EXOSC7: variants seen among roughly 807,000 people sequenced by gnomAD.
EXOSC7 encodes exosome component 7.
In EXOSC7, 25 loss-of-function variants were observed where a neutral mutation model predicts 34.3. The ratio of observed to expected loss-of-function variants is 0.73; its 90% CI spans 0.53 to 1.02. EXOSC7 has a LOEUF of 1.02. EXOSC7 is among the 50% of genes least tolerant of loss of function. The pLI, the probability that EXOSC7 is intolerant of heterozygous loss-of-function variation, is 0.00. For synonymous variants in EXOSC7, 130 were observed against 143.0 expected (o/e 0.91, Z 0.65); for missense variants, 370 against 368.5 (o/e 1.00, Z -0.03).
At chr3:44,997,350 G>A in intron 4 of EXOSC7, 98 bp downstream of exon 4, 1 of 1,139,498 alleles carries the variant, frequency 8.8e-7, no homozygotes, top group Non-Finnish European at 1.2e-6. Context: ...TCAGGTGGAT[G>A]CTTTCAACTT....
intron 1 of EXOSC7, among the ~76,000 whole-genome samples, chr3:44,987,796 C>A (rs777392047): frequency 6.6e-6 from 1 of 152,122 alleles, no homozygotes; most frequent in East Asian, 1.9e-4. Context: ...TGAACAAATA[C>A]AGAAATACAT....
intron 2 of EXOSC7, 131 bp from the exon 3 acceptor site, chr3:44,989,419 A>G: frequency 2.4e-6 from 2 of 842,230 alleles, no homozygotes; most frequent in South Asian, 1.7e-5. Flanking sequence ...ACCTCCTCCA[A>G]AGACCACTTT....
chr3:44,977,345 C>T (rs971784161), intron 1 of EXOSC7: 6 of 152,186 alleles, frequency 3.9e-5, no homozygotes, highest in African/African-American at 1.4e-4. Flanking sequence ...CTGTCAGTAC[C>T]AACTGCAAAG....
chr3:45,005,824 A>T (rs1025721446), intron 6 of EXOSC7, among the ~76,000 whole-genome samples: 4 of 152,048 alleles, frequency 2.6e-5, no homozygotes, highest in Non-Finnish European at 2.9e-5. Flanking sequence ...GGGTATCATG[A>T]GTGGTTTTCA....
intron 3 of EXOSC7, 31 bp from the exon 4 acceptor site, chr3:44,997,052 GACTC>G: frequency 6.2e-7 from 1 of 1,604,312 alleles, no homozygotes; most frequent in Non-Finnish European, 8.5e-7. Context: ...CACTTGGAAA[GACTC>G]ACCCAGTTTT....
At chr3:45,008,783 T>C (rs1707125654) in intron 7 of EXOSC7, among the ~76,000 whole-genome samples, 1 of 152,246 alleles carries the variant, frequency 6.6e-6, no homozygotes, top group Non-Finnish European at 1.5e-5. Context: ...GGCAAGGGAC[T>C]GTCAAACCTT....
At chr3:45,010,092 T>C (rs548451006) in intron 7 of EXOSC7, among the ~76,000 whole-genome samples, 3 of 152,340 alleles carry the variant, frequency 2.0e-5, no homozygotes, top group Admixed American at 6.5e-5. Flanking sequence ...TTGTTGAGAA[T>C]GGAACCAGTG....
chr3:44,990,790 G>T (rs1211048689), intron 3 of EXOSC7, among the ~76,000 whole-genome samples: 1 of 152,140 alleles, frequency 6.6e-6, no homozygotes, highest in Admixed American at 6.5e-5. Context: ...CATATTATTT[G>T]CACAATATAG....
At chr3:45,002,439 G>A (rs1299164325) in intron 5 of EXOSC7, among the ~76,000 whole-genome samples, 2 of 152,106 alleles carry the variant, frequency 1.3e-5, no homozygotes, top group African/African-American at 4.8e-5. Context: ...CTTTGTAATG[G>A]TAAGAAACTG....
intron 3 of EXOSC7, 131 bp from the exon 4 acceptor site, chr3:44,996,956 T>C: frequency 3.4e-6 from 3 of 890,204 alleles, no homozygotes. Flanking sequence ...CATCCTTTCC[T>C]CATCTCAGTG....
chr3:44,986,968 G>C (rs906131084), intron 1 of EXOSC7, among the ~76,000 whole-genome samples: 6 of 151,912 alleles, frequency 3.9e-5, no homozygotes, highest in Non-Finnish European at 5.9e-5. Flanking sequence ...ACTCCTTGGA[G>C]AATCTGATTA....
chr3:44,987,978 T>A (rs1004002552), intron 1 of EXOSC7, among the ~76,000 whole-genome samples: 4 of 152,314 alleles, frequency 2.6e-5, no homozygotes, highest in Admixed American at 6.5e-5. Context: ...GATTTGTGTG[T>A]GTGTGGTGGG....
intron 1 of EXOSC7, among the ~76,000 whole-genome samples, chr3:44,985,410 G>C (rs1036403217): frequency 6.6e-6 from 1 of 150,590 alleles, no homozygotes; most frequent in African/African-American, 2.4e-5. Context: ...TCTTAAAGGC[G>C]GCGTGTCCGG....
At chr3:44,993,261 T>C (rs2125966740) in intron 3 of EXOSC7, among the ~76,000 whole-genome samples, 1 of 152,240 alleles carries the variant, frequency 6.6e-6, no homozygotes, top group East Asian at 1.9e-4. Flanking sequence ...ACAGGGAGGC[T>C]TCTACAGGCT....
intron 1 of EXOSC7, among the ~76,000 whole-genome samples, chr3:44,981,414 A>G (rs1299558412): frequency 6.6e-6 from 1 of 152,192 alleles, no homozygotes; most frequent in Non-Finnish European, 1.5e-5. Context: ...ATGATGAGAT[A>G]AGAGATGTCA....
chr3:45,003,945 T>C (rs1411322939), intron 5 of EXOSC7, among the ~76,000 whole-genome samples: 2 of 152,256 alleles, frequency 1.3e-5, no homozygotes, highest in Non-Finnish European at 1.5e-5. Flanking sequence ...TTCCATTGTG[T>C]GACTTTGTCC....
chr3:44,990,506 C>T (rs1576009714), intron 3 of EXOSC7, among the ~76,000 whole-genome samples: 2 of 152,186 alleles, frequency 1.3e-5, no homozygotes, highest in Middle Eastern at 6.8e-3. Flanking sequence ...TCTGTGGGCT[C>T]ATGCTGGGTG....
At chr3:44,999,236 G>T (rs181611984) in intron 4 of EXOSC7, among the ~76,000 whole-genome samples, 16 of 152,308 alleles carry the variant, frequency 1.1e-4, no homozygotes, top group African/African-American at 3.6e-4. Context: ...GTGAGCAGGG[G>T]ATGGATACAT....
intron 4 of EXOSC7, among the ~76,000 whole-genome samples, 164 bp from the exon 5 acceptor site, chr3:45,001,374 C>T (rs1226642191): frequency 6.6e-6 from 1 of 151,464 alleles, no homozygotes; most frequent in African/African-American, 2.4e-5. Context: ...ACCTGGGAGG[C>T]AGAGGTTGCA....
Sources: gnomAD v4.1 joint callset for allele counts (sites outside exome capture counted in the v4.1 genomes callset) on GRCh38, gnomAD v4.1.1 for gene constraint, MANE v1.5 for transcripts, NCBI Gene and HGNC (gene_info 2026-07-23, HGNC 2026-07-21) for gene names.